Variants in TSC22D3 observed in about 807,000 individuals in gnomAD.
The protein encoded by TSC22D3 is TSC22 domain family protein 3.
A neutral mutation model predicts 11.1 loss-of-function variants in TSC22D3; 4 were observed. The observed-to-expected ratio is 0.36, with a 90% CI of 0.18 to 0.83. TSC22D3 has a LOEUF of 0.83. Ranked by LOEUF, TSC22D3 falls within the 40% of genes least tolerant of loss-of-function variation. The probability of loss-of-function intolerance (pLI) is 0.48; values close to 1 mark genes in which losing one functional copy is unlikely to be tolerated. For missense variants in TSC22D3, 118 were observed against 159.4 expected, an observed-to-expected ratio of 0.74 and a Z score of 1.40; for synonymous variants, 77 against 70.3, an observed-to-expected ratio of 1.10 and a Z score of -0.48.
chrX:107,753,732 G>A (rs189207774), intron 1 of TSC22D3, among the ~76,000 whole-genome samples: 154 of 111,425 alleles, frequency 1.4e-3, no homozygotes, highest in African/African-American at 4.8e-3. Flanking sequence ...AGTATTTCTA[G>A]GTGGCTTTTC....
intron 1 of TSC22D3, among the ~76,000 whole-genome samples, chrX:107,725,127 C>T (rs1193852175): frequency 8.9e-6 from 1 of 112,601 alleles, no homozygotes; most frequent in Non-Finnish European, 1.9e-5. Context: ...TGGAGTTCTT[C>T]ATTTATACTT....
rs1043133474 is a variant in TSC22D3, at chrX:107,775,577, C to T, written c.-158G>A. On this transcript the variant is annotated 5_prime_UTR_variant, in exon 1 of 3. Coordinates refer to ENST00000372383, the MANE Select transcript of TSC22D3 (RefSeq NM_198057.3). ...CGCCTAAAGCCAGCCACCTTCGGCTCGGCCCCCTTCTGGCTGTACTGCTCC... is the reference window on the plus strand; with the variant it reads ...CGCCTAAAGCCAGCCACCTTCGGCTTGGCCCCCTTCTGGCTGTACTGCTCC... 5 of 436,251 alleles carry T rather than the reference C, an allele frequency of 1.1e-5. No individual in the cohort carries two copies. Among genetic ancestry groups the T allele is most frequent in the African/African-American group, 2.5e-5 (1 of 40,454 alleles). 36.0% of individuals were successfully genotyped at this position (436,251 alleles called of 1,213,427 possible). A position where few individuals can be genotyped will look rare whatever the true frequency, so the allele number is the denominator to read the frequency against.
intron 1 of TSC22D3, among the ~76,000 whole-genome samples, chrX:107,725,174 G>T (rs1230878707): frequency 8.9e-6 from 1 of 112,562 alleles, no homozygotes; most frequent in African/African-American, 3.2e-5. Context: ...AATGCAAAAA[G>T]CCCTGGGAAG....
chrX:107,764,257 A>T (rs748457257), intron 1 of TSC22D3, among the ~76,000 whole-genome samples: 17 of 112,029 alleles, frequency 1.5e-4, no homozygotes, highest in Non-Finnish European at 2.6e-4. Flanking sequence ...GTTTCCCATT[A>T]TATCCCCAGT....
At chrX:107,744,295 T>G (rs184914500) in intron 1 of TSC22D3, among the ~76,000 whole-genome samples, 86 of 110,807 alleles carry the variant, frequency 7.8e-4, no homozygotes, top group African/African-American at 2.6e-3. Flanking sequence ...TAGGGTGACC[T>G]GGATATCTGG....
chrX:107,740,627 A>G (rs1466022335), intron 1 of TSC22D3, among the ~76,000 whole-genome samples: 3 of 110,861 alleles, frequency 2.7e-5, no homozygotes, highest in African/African-American at 6.6e-5. Context: ...GCTGAGGTTG[A>G]AGAACCATGA....
intron 1 of TSC22D3, among the ~76,000 whole-genome samples, chrX:107,774,384 C>T (rs2065965649): frequency 9.0e-6 from 1 of 110,796 alleles, no homozygotes; most frequent in African/African-American, 3.3e-5. Flanking sequence ...ACCGGTACAC[C>T]AATACACGCC....
intron 1 of TSC22D3, among the ~76,000 whole-genome samples, chrX:107,740,701 A>G (rs987560188): frequency 9.0e-6 from 1 of 111,172 alleles, no homozygotes; most frequent in Non-Finnish European, 1.9e-5. Context: ...AGATGCCAGA[A>G]GCTAAGATTA....
chrX:107,720,565 T>C (rs182646644), intron 1 of TSC22D3, among the ~76,000 whole-genome samples: 1,811 of 111,105 alleles, frequency 0.016, 33 homozygotes, highest in African/African-American at 0.056. Flanking sequence ...TGGTGGCGCA[T>C]GCCTGTAATC....
At chrX:107,756,092 AC>A (rs775824982) in intron 1 of TSC22D3, among the ~76,000 whole-genome samples, 1 of 111,322 alleles carries the variant, frequency 9.0e-6, no homozygotes, top group East Asian at 2.8e-4. Context: ...ACCATCTCAA[AC>A]CATACTGTAC....
chrX:107,774,948 A>G (rs747913466), intron 1 of TSC22D3, 152 bp downstream of exon 1: 2 of 617,689 alleles, frequency 3.2e-6, no homozygotes, highest in African/African-American at 2.3e-5. Flanking sequence ...GCGGTACTCC[A>G]GGCAACCTCA....
intron 1 of TSC22D3, among the ~76,000 whole-genome samples, chrX:107,732,632 A>G (rs1212424503): frequency 9.0e-6 from 1 of 111,602 alleles, no homozygotes; most frequent in East Asian, 2.8e-4. Flanking sequence ...AACTTTAAGT[A>G]TTAGTGAGTT....
chrX:107,737,669 A>G (rs1407957068), intron 1 of TSC22D3, among the ~76,000 whole-genome samples: 1 of 111,821 alleles, frequency 8.9e-6, no homozygotes, highest in Non-Finnish European at 1.9e-5. Flanking sequence ...AGTCCTTCAT[A>G]TGAAAGTATT....
rs180812653 is a variant in TSC22D3, at chrX:107,732,421, G to A, written c.321-16471C>T. ...GCAAAAGGAAGGAGGCTTTGCCAGC[G>A]CTACCTTCCTCCCCTTCAAACACAC... On this transcript the variant is annotated intron_variant, in intron 1 of 2. Transcript: ENST00000372383. Among the ~76,000 whole-genome samples, 15 of 110,520 alleles carry A rather than the reference G, an allele frequency of 1.4e-4. No individual in the cohort carries two copies. The East Asian group carries it at 2.9e-3, about 21-fold the overall frequency.
chrX:107,760,819 G>A (rs1246011683), intron 1 of TSC22D3, among the ~76,000 whole-genome samples: 2 of 112,390 alleles, frequency 1.8e-5, no homozygotes, highest in East Asian at 5.6e-4. Flanking sequence ...AACCAGAAGT[G>A]TTCTCAGTCA....
chrX:107,737,742 A>G (rs750229358), intron 1 of TSC22D3, among the ~76,000 whole-genome samples: 1 of 112,084 alleles, frequency 8.9e-6, no homozygotes, highest in Admixed American at 9.4e-5. Context: ...TTTGTGTCAG[A>G]CACTGGTAGC....
chrX:107,752,656 T>C (rs963791587), intron 1 of TSC22D3, among the ~76,000 whole-genome samples: 3 of 111,463 alleles, frequency 2.7e-5, no homozygotes, highest in African/African-American at 9.8e-5. Context: ...CTGGTTTTGA[T>C]TTTTCAGCTG....
chrX:107,764,676 CTA>C (rs1404010000), intron 1 of TSC22D3, among the ~76,000 whole-genome samples: 1 of 111,584 alleles, frequency 9.0e-6, no homozygotes, highest in Admixed American at 9.5e-5. Context: ...GGTGGATTAT[CTA>C]TATATTCTCG....
intron 1 of TSC22D3, among the ~76,000 whole-genome samples, chrX:107,736,882 G>A (rs182632317): frequency 9.0e-5 from 10 of 111,516 alleles, no homozygotes; most frequent in African/African-American, 2.9e-4. Context: ...TGAGGGCGGT[G>A]ACTATCAAGT....
Sources: allele counts gnomAD v4.1 joint callset (sites outside exome capture counted in the v4.1 genomes callset), GRCh38; gene constraint gnomAD v4.1.1; transcripts MANE v1.5; gene names NCBI Gene and HGNC (gene_info 2026-07-23, HGNC 2026-07-21).